SLC38A1: variants seen among roughly 807,000 people sequenced by gnomAD.
SLC38A1 encodes sodium-coupled neutral amino acid symporter 1.
SLC38A1 carries 18 observed loss-of-function variants against 60.3 expected under a neutral mutation model. The ratio of observed to expected loss-of-function variants is 0.30; its 90% CI spans 0.21 to 0.44. The LOEUF (loss-of-function observed/expected upper bound fraction) is 0.44. Ranked by LOEUF, SLC38A1 falls within the 20% of genes least tolerant of loss-of-function variation. The pLI is 1.00. For missense variants in SLC38A1, 448 were observed against 587.2 expected, an observed-to-expected ratio of 0.76 and a Z score of 2.45; for synonymous variants, 196 against 212.1, an observed-to-expected ratio of 0.92 and a Z score of 0.66.
intron 3 of SLC38A1, among the ~76,000 whole-genome samples, chr12:46,230,860 T>A (rs1288653230): frequency 4.6e-5 from 7 of 152,148 alleles, no homozygotes; most frequent in Admixed American, 3.9e-4. Context: ...GGAACTTAAA[T>A]TAAGACAGTC....
intron 4 of SLC38A1, 126 bp downstream of exon 4, chr12:46,229,438 G>T: frequency 1.2e-6 from 1 of 827,338 alleles, no homozygotes; most frequent in Non-Finnish European, 2.0e-6. Context: ...AAATACATAA[G>T]GTATGAGGAA....
At chr12:46,247,715 C>T (rs536053161) in intron 1 of SLC38A1, among the ~76,000 whole-genome samples, 10 of 152,268 alleles carry the variant, frequency 6.6e-5, no homozygotes, top group African/African-American at 2.4e-4. Flanking sequence ...AGAAGAGCAA[C>T]TCCAAGACAC....
intron 5 of SLC38A1, among the ~76,000 whole-genome samples, chr12:46,216,400 G>A (rs1171276107): frequency 6.6e-6 from 1 of 152,194 alleles, no homozygotes; most frequent in Non-Finnish European, 1.5e-5. Context: ...CCAGGCAAGT[G>A]TGACAGCCAG....
At chr12:46,218,239 T>A (rs1940500603) in intron 5 of SLC38A1, among the ~76,000 whole-genome samples, 1 of 152,154 alleles carries the variant, frequency 6.6e-6, no homozygotes, top group South Asian at 2.1e-4. Context: ...TCTTGATGTG[T>A]CCTCGTTCCT....
intron 16 of SLC38A1, among the ~76,000 whole-genome samples, chr12:46,190,504 T>A (rs562199517): frequency 2.0e-5 from 3 of 152,344 alleles, no homozygotes; most frequent in African/African-American, 7.2e-5. Context: ...CCTTGAGGAA[T>A]CGCCACACTG....
chr12:46,223,805 C>A (rs946805139), intron 5 of SLC38A1, among the ~76,000 whole-genome samples: 1 of 152,176 alleles, frequency 6.6e-6, no homozygotes, highest in African/African-American at 2.4e-5. Flanking sequence ...TGGTTTTCAA[C>A]TTAAGGACTA....
chr12:46,262,561 C>T (rs1340842308), intron 1 of SLC38A1, among the ~76,000 whole-genome samples: 1 of 152,168 alleles, frequency 6.6e-6, no homozygotes, highest in Admixed American at 6.5e-5. Flanking sequence ...AGAAAAATCT[C>T]TTTATTTGCA....
Position 46,210,618 on chromosome 12 carries a change from C to T in SLC38A1, c.315-1491G>A, listed in dbSNP as rs1415885297. ...ATTTCCACGTGTTTTGGGAGGGACC[C>T]GGTGGGAGATAATTGAATCATGGGG... On this transcript the variant is annotated intron_variant, in intron 5 of 16. Coordinates refer to ENST00000398637, the MANE Select transcript of SLC38A1 (RefSeq NM_030674.4). Among the ~76,000 whole-genome samples, 9 of 151,974 alleles carry T rather than the reference C, an allele frequency of 5.9e-5. No individual in the cohort carries two copies. The South Asian group carries it at 6.2e-4, about 11-fold the overall frequency.
intron 1 of SLC38A1, among the ~76,000 whole-genome samples, chr12:46,247,615 G>A (rs1941666430): frequency 6.6e-6 from 1 of 152,152 alleles, no homozygotes; most frequent in South Asian, 2.1e-4. Flanking sequence ...CACTCTTCAG[G>A]ATATTGTTCA....
rs761530663 is a variant in SLC38A1, at chr12:46,197,949, G to A, written c.1234C>T (p.Pro412Ser). The A allele has an allele frequency of 3.7e-6, 6 of 1,613,888 alleles. No homozygotes were observed. In the African/African-American group the frequency reaches 4.0e-5, roughly 11 times the overall value. Reference sequence around the variant, plus strand: ...ACTCCAAAAATATCCTTCATGGAGGGTATGAAGATCACCAACAAGTTGATA... The same window carrying A: ...ACTCCAAAAATATCCTTCATGGAGGATATGAAGATCACCAACAAGTTGATA... ...VVINLLVIFI[P>S]SMKDIFGVVG... is the part of the protein sequence containing the mutation. The change falls in exon 15 of 17, where the codon CCC (proline) becomes TCC (serine). Residue 412 changes from proline to serine, a missense_variant. Transcript: ENST00000398637.
chr12:46,228,236 G>C (rs981581964), intron 5 of SLC38A1, among the ~76,000 whole-genome samples: 4 of 152,184 alleles, frequency 2.6e-5, no homozygotes, highest in African/African-American at 9.7e-5. Flanking sequence ...GGGCATTTCT[G>C]TTCCTGGAGT....
chr12:46,242,496 G>T (rs1190795214), intron 2 of SLC38A1, among the ~76,000 whole-genome samples: 1 of 152,100 alleles, frequency 6.6e-6, no homozygotes, highest in African/African-American at 2.4e-5. Context: ...CAATGGCTGG[G>T]CATGGTGGCT....
At chr12:46,264,796 A>G (rs1337983775) in intron 1 of SLC38A1, among the ~76,000 whole-genome samples, 1 of 152,130 alleles carries the variant, frequency 6.6e-6, no homozygotes, top group Non-Finnish European at 1.5e-5. Context: ...GAGTCTCCAC[A>G]GTCCATTATA....
intron 9 of SLC38A1, among the ~76,000 whole-genome samples, chr12:46,205,165 G>A (rs761143268): frequency 6.6e-6 from 1 of 152,244 alleles, no homozygotes; most frequent in Middle Eastern, 3.4e-3. Flanking sequence ...CCTCCAGAAA[G>A]GTAGAGTTAA....
chr12:46,240,457 A>G (rs573449875), intron 2 of SLC38A1, among the ~76,000 whole-genome samples: 57 of 152,228 alleles, frequency 3.7e-4, no homozygotes, highest in African/African-American at 1.2e-3. Context: ...CAGCCTCCCA[A>G]AGTGTTCAAA....
At chr12:46,232,927 T>C (rs1039173167) in intron 3 of SLC38A1, among the ~76,000 whole-genome samples, 4 of 152,222 alleles carry the variant, frequency 2.6e-5, no homozygotes, top group Non-Finnish European at 5.9e-5. Flanking sequence ...TTGTGTTTGT[T>C]TTCTCAAATA....
At chr12:46,224,493 T>G (rs1472425540) in intron 5 of SLC38A1, among the ~76,000 whole-genome samples, 2 of 152,122 alleles carry the variant, frequency 1.3e-5, no homozygotes, top group East Asian at 1.9e-4. Flanking sequence ...TCCAGATGAC[T>G]GCAGAGAAGG....
At chr12:46,199,585 C>T (rs1285637468) in intron 13 of SLC38A1, among the ~76,000 whole-genome samples, 2 of 151,648 alleles carry the variant, frequency 1.3e-5, no homozygotes, top group Admixed American at 1.3e-4. Flanking sequence ...TCTCGAACTC[C>T]TGGGCTCAAG....
intron 5 of SLC38A1, among the ~76,000 whole-genome samples, chr12:46,216,874 C>G (rs1037428870): frequency 4.0e-5 from 6 of 151,766 alleles, no homozygotes; most frequent in African/African-American, 1.5e-4. Flanking sequence ...AAAAAAAATC[C>G]TTTGTTTAAT....
Sources: allele counts gnomAD v4.1 joint callset (sites outside exome capture counted in the v4.1 genomes callset), GRCh38; gene constraint gnomAD v4.1.1; transcripts MANE v1.5; gene names NCBI Gene and HGNC (gene_info 2026-07-23, HGNC 2026-07-21).